Variants in GRM7 observed in about 807,000 individuals in gnomAD.
The protein encoded by GRM7 is metabotropic glutamate receptor 7.
In GRM7, 35 loss-of-function variants were observed where a neutral mutation model predicts 84.5. The observed-to-expected ratio is 0.41, with a 90% CI of 0.32 to 0.55. The LOEUF is 0.55. GRM7 is among the 20% of genes least tolerant of loss of function. GRM7 has a pLI of 0.19. For missense variants in GRM7, 1,003 were observed against 1,194.6 expected, an observed-to-expected ratio of 0.84 and a Z score of 2.36; for synonymous variants, 487 against 455.1, an observed-to-expected ratio of 1.07 and a Z score of -0.89.
At chr3:7,353,681 C>T (rs543743139) in intron 4 of GRM7, among the ~76,000 whole-genome samples, 1 of 152,212 alleles carries the variant, frequency 6.6e-6, no homozygotes, top group East Asian at 1.9e-4. Flanking sequence ...CAAACATTCT[C>T]GAAGAGCCCT....
chr3:7,123,343 G>C (rs1693287142), intron 1 of GRM7, among the ~76,000 whole-genome samples: 1 of 152,228 alleles, frequency 6.6e-6, no homozygotes, highest in African/African-American at 2.4e-5. Context: ...GTGGGGCCAG[G>C]CATGGTGGCT....
chr3:7,335,296 T>C (rs1701360569), intron 4 of GRM7, among the ~76,000 whole-genome samples: 1 of 152,092 alleles, frequency 6.6e-6, no homozygotes, highest in Non-Finnish European at 1.5e-5. Flanking sequence ...AATTAAGTAA[T>C]CTGCTCCTGA....
chr3:7,271,621 T>C lies in GRM7; in HGVS notation c.737-27063T>C, dbSNP rs142049592. 1.4e-4 allele frequency among the ~76,000 whole-genome samples: 21 copies of C among 149,410 alleles called. 1 individual carries two copies. The East Asian group carries it at 4.2e-3, about 30-fold the overall frequency. On this transcript the variant is annotated intron_variant, in intron 2 of 9. Coordinates refer to ENST00000357716, the MANE Select transcript of GRM7 (RefSeq NM_000844.4). The stretch of plus-strand genomic sequence containing the variant: ...ATCTCAGGCCCTACTCCAGACTCAG[T>C]GGATCAGAACCTGGATTTTAACAAG...
At chr3:7,656,794 CAAAT>C (rs1324967592) in intron 8 of GRM7, among the ~76,000 whole-genome samples, 2 of 152,020 alleles carry the variant, frequency 1.3e-5, no homozygotes, top group African/African-American at 2.4e-5. Context: ...TCTAGAAAAA[CAAAT>C]AAAATAATTG....
At chr3:7,609,466 G>A (rs1414234666) in intron 8 of GRM7, among the ~76,000 whole-genome samples, 4 of 152,214 alleles carry the variant, frequency 2.6e-5, no homozygotes, top group African/African-American at 9.7e-5. Flanking sequence ...ACAGGGCAGA[G>A]TAGAGGAGCT....
chr3:7,577,111 C>T (rs987110061), intron 7 of GRM7, among the ~76,000 whole-genome samples: 1 of 152,092 alleles, frequency 6.6e-6, no homozygotes, highest in African/African-American at 2.4e-5. Context: ...CCTATGTGAC[C>T]TCAGAAAAAG....
chr3:7,599,537 G>A (rs76589408), intron 8 of GRM7, among the ~76,000 whole-genome samples: 2,528 of 152,096 alleles, frequency 0.017, 45 homozygotes, highest in East Asian at 0.046. Flanking sequence ...GTTTGTCTCC[G>A]GTCTTATATC....
intron 7 of GRM7, among the ~76,000 whole-genome samples, chr3:7,554,891 T>G (rs549889870): frequency 2.6e-5 from 4 of 152,324 alleles, no homozygotes; most frequent in African/African-American, 7.2e-5. Context: ...TTCAGCTGGA[T>G]GTCTAAAATA....
chr3:7,542,505 T>C (rs1483198376), intron 7 of GRM7, among the ~76,000 whole-genome samples: 1 of 152,112 alleles, frequency 6.6e-6, no homozygotes, highest in Admixed American at 6.6e-5. Context: ...TTTATTCTAC[T>C]TTTTCATTCT....
intron 4 of GRM7, among the ~76,000 whole-genome samples, chr3:7,311,625 G>A (rs1249667078): frequency 7.6e-5 from 11 of 144,460 alleles, no homozygotes; most frequent in African/African-American, 2.2e-4. Flanking sequence ...ATGGAGTCTC[G>A]CTTTGTCACC....
chr3:7,081,873 G>T (rs540047007), intron 1 of GRM7, among the ~76,000 whole-genome samples: 74 of 152,176 alleles, frequency 4.9e-4, no homozygotes, highest in African/African-American at 1.8e-3. Context: ...TTCAGAAAAA[G>T]TTCCTAATTG....
At chr3:7,657,745 A>G (rs1387064564) in intron 8 of GRM7, among the ~76,000 whole-genome samples, 2 of 152,172 alleles carry the variant, frequency 1.3e-5, no homozygotes, top group African/African-American at 4.8e-5. Context: ...AGATACATCA[A>G]TTATGAATTC....
chr3:7,176,383 C>G (rs1451664802), intron 2 of GRM7, among the ~76,000 whole-genome samples: 1 of 151,858 alleles, frequency 6.6e-6, no homozygotes, highest in Admixed American at 6.6e-5. Context: ...TGCCACTTCA[C>G]TCCAGTCTGG....
chr3:6,981,539 A>C (rs1694199344), intron 1 of GRM7, among the ~76,000 whole-genome samples: 1 of 152,178 alleles, frequency 6.6e-6, no homozygotes, highest in Non-Finnish European at 1.5e-5. Flanking sequence ...ATGCAGGAGA[A>C]TTACTGAGTG....
chr3:7,315,840 C>A (rs1700562397), intron 4 of GRM7, among the ~76,000 whole-genome samples: 1 of 152,096 alleles, frequency 6.6e-6, no homozygotes, highest in African/African-American at 2.4e-5. Context: ...ACAGTTTCTA[C>A]TTGCTTTTCA....
intron 9 of GRM7, among the ~76,000 whole-genome samples, chr3:7,728,983 T>A (rs1702220650): frequency 6.6e-6 from 1 of 151,914 alleles, no homozygotes. Flanking sequence ...TGGAGATAAG[T>A]AAGAAACAAG....
intron 1 of GRM7, among the ~76,000 whole-genome samples, chr3:7,073,112 A>AT (rs1204753088): frequency 3.3e-5 from 5 of 151,934 alleles, no homozygotes; most frequent in East Asian, 1.9e-4. Flanking sequence ...TTTATGTTTC[A>AT]TTTTTTTCCT....
intron 7 of GRM7, among the ~76,000 whole-genome samples, chr3:7,568,128 C>G (rs1425414415): frequency 6.6e-6 from 1 of 152,168 alleles, no homozygotes; most frequent in African/African-American, 2.4e-5. Flanking sequence ...GCTAAGGTGC[C>G]TGGAACTTCC....
intron 5 of GRM7, among the ~76,000 whole-genome samples, chr3:7,438,218 C>G (rs1697139136): frequency 6.6e-6 from 1 of 151,820 alleles, no homozygotes; most frequent in African/African-American, 2.4e-5. Flanking sequence ...ATTGTGAGAC[C>G]AGTGAGGAGG....
Sources: allele counts gnomAD v4.1 joint callset (sites outside exome capture counted in the v4.1 genomes callset), GRCh38; gene constraint gnomAD v4.1.1; transcripts MANE v1.5; gene names NCBI Gene and HGNC (gene_info 2026-07-23, HGNC 2026-07-21).